ME3: variants seen among roughly 807,000 people sequenced by gnomAD.
The protein encoded by ME3 is NADP-dependent malic enzyme, mitochondrial.
A neutral mutation model predicts 68.9 loss-of-function variants in ME3; 48 were observed. The observed-to-expected ratio is 0.70, with a 90% CI of 0.55 to 0.89. ME3 has a LOEUF of 0.89. Ranked by LOEUF, ME3 falls within the 40% of genes least tolerant of loss-of-function variation. The probability of loss-of-function intolerance (pLI) is 0.00; values close to 1 mark genes in which losing one functional copy is unlikely to be tolerated. For missense variants in ME3, 675 were observed against 797.4 expected, an observed-to-expected ratio of 0.85 and a Z score of 1.85; for synonymous variants, 320 against 318.8, an observed-to-expected ratio of 1.00 and a Z score of -0.04.
intron 4 of ME3, among the ~76,000 whole-genome samples, chr11:86,541,635 C>A (rs1956054818): frequency 6.6e-6 from 1 of 152,168 alleles, no homozygotes; most frequent in Non-Finnish European, 1.5e-5. Context: ...GAAAGAAAGG[C>A]AGCAGCCCCA....
chr11:86,640,186 T>C (rs1403223652), intron 2 of ME3, among the ~76,000 whole-genome samples: 2 of 152,218 alleles, frequency 1.3e-5, no homozygotes, highest in Non-Finnish European at 2.9e-5. Context: ...AATATTTTGG[T>C]GCTTAAGCCA....
downstream of ME3, among the ~76,000 whole-genome samples, chr11:86,440,121 T>A (rs1948929595): frequency 6.6e-6 from 1 of 152,202 alleles, no homozygotes; most frequent in Non-Finnish European, 1.5e-5. Context: ...ATAGGACCTA[T>A]TCGTTGCTGG....
chr11:86,449,143 C>T (rs1270529811), intron 10 of ME3, among the ~76,000 whole-genome samples: 1 of 152,208 alleles, frequency 6.6e-6, no homozygotes, highest in Non-Finnish European at 1.5e-5. Context: ...TCCTTATGTA[C>T]TTCCTCTGTT....
At position 86,525,909 on chromosome 11, in the gene ME3, G is replaced by A. The variant is rs567128529; in HGVS notation, c.468-17042C>T. Among the ~76,000 whole-genome samples, 32 of 151,184 alleles carry A rather than the reference G, an allele frequency of 2.1e-4. No homozygotes were observed. The South Asian group carries it at 6.7e-3, about 32-fold the overall frequency. ...AGGGTGGAGCCAAGAGGGCCTAATA[G>A]GAACTGCTCCAGTCTACAGCTCCCA... On this transcript the variant is annotated intron_variant, in intron 4 of 14. Coordinates refer to ENST00000543262, the Ensembl canonical transcript of ME3.
chr11:86,517,620 C>T (rs911116417), intron 4 of ME3, among the ~76,000 whole-genome samples: 8 of 152,164 alleles, frequency 5.3e-5, no homozygotes, highest in African/African-American at 1.9e-4. Flanking sequence ...ATCTCAGCAT[C>T]CACTGTTCTT....
intron 8 of ME3, chr11:86,464,024 T>A (rs1950354996): frequency 5.0e-6 from 2 of 403,588 alleles, no homozygotes. Flanking sequence ...CGTTCAGCGA[T>A]TAACCTTAGC....
At chr11:86,526,687 G>A (rs1010630937) in intron 4 of ME3, among the ~76,000 whole-genome samples, 3 of 152,212 alleles carry the variant, frequency 2.0e-5, no homozygotes, top group Non-Finnish European at 4.4e-5. Flanking sequence ...GGAACGATCA[G>A]GCAGCAACAT....
intron 7 of ME3, among the ~76,000 whole-genome samples, chr11:86,477,435 C>T (rs1042212902): frequency 1.3e-5 from 2 of 151,880 alleles, no homozygotes. Context: ...GTATCAGTGT[C>T]TGCTTATGGT....
At chr11:86,605,215 T>C (rs1193663163) in intron 2 of ME3, among the ~76,000 whole-genome samples, 1 of 152,246 alleles carries the variant, frequency 6.6e-6, no homozygotes, top group Non-Finnish European at 1.5e-5. Flanking sequence ...TATTCTATTG[T>C]ATATACATAC....
chr11:86,589,401 G>GA (rs1554992486), intron 2 of ME3, among the ~76,000 whole-genome samples: 2,409 of 152,196 alleles, frequency 0.016, 56 homozygotes, highest in African/African-American at 0.055. Context: ...ATGAATGAAT[G>GA]ATGAATGAAT....
At chr11:86,449,955 T>C (rs1949539760) in exon 10 of ME3, 1 of 1,614,008 alleles carries the variant, frequency 6.2e-7, no homozygotes, top group Admixed American at 1.7e-5. Context: ...TCGGTACACC[T>C]TCTTTCTCTA....
At chr11:86,574,666 A>G (rs1040577133) in intron 2 of ME3, among the ~76,000 whole-genome samples, 1 of 152,162 alleles carries the variant, frequency 6.6e-6, no homozygotes, top group African/African-American at 2.4e-5. Context: ...CAGAGTTCCT[A>G]TGTGACATAT....
intron 2 of ME3, among the ~76,000 whole-genome samples, chr11:86,617,270 A>G (rs965005926): frequency 5.3e-5 from 8 of 151,860 alleles, no homozygotes; most frequent in Admixed American, 6.6e-5. Context: ...AGCACTGAGC[A>G]TTATTCCTGG....
At chr11:86,600,663 T>C (rs1387769415) in intron 2 of ME3, among the ~76,000 whole-genome samples, 90 of 151,552 alleles carry the variant, frequency 5.9e-4, no homozygotes, top group Non-Finnish European at 1.1e-3. Flanking sequence ...TTTTCAGCAC[T>C]ACACCACACC....
intron 2 of ME3, among the ~76,000 whole-genome samples, chr11:86,562,191 GCTT>G (rs1957271052): frequency 6.6e-6 from 1 of 152,016 alleles, no homozygotes; most frequent in South Asian, 2.1e-4. Flanking sequence ...TTTCAGACTG[GCTT>G]CTTTTACTTA....
At position 86,528,225 on chromosome 11, in the gene ME3, G is replaced by A. The variant is rs376697228; in HGVS notation, c.468-19358C>T. On this transcript the variant is annotated intron_variant, in intron 4 of 14. Transcript: ENST00000543262. The stretch of plus-strand genomic sequence containing the variant: ...GCAATCCTAATCTCTGATAAAACAG[G>A]CTTTAAACCAACAAAAATCAAAAGA... Among the ~76,000 whole-genome samples, 48 of 152,152 alleles carry A rather than the reference G, an allele frequency of 3.2e-4. No individual in the cohort carries two copies. The South Asian group carries it at 3.3e-3, about 11-fold the overall frequency.
intron 6 of ME3, among the ~76,000 whole-genome samples, chr11:86,492,932 G>C (rs1248504703): frequency 2.0e-5 from 3 of 152,140 alleles, no homozygotes; most frequent in African/African-American, 7.2e-5. Context: ...GGAGGTCACG[G>C]GATTGGGTTC....
At chr11:86,624,076 CCT>C (rs1594706058) in intron 2 of ME3, among the ~76,000 whole-genome samples, 1 of 152,306 alleles carries the variant, frequency 6.6e-6, no homozygotes, top group East Asian at 1.9e-4. Flanking sequence ...GGATTTTATA[CCT>C]CTTTGAGGTC....
chr11:86,630,702 C>T (rs900499000), intron 2 of ME3, among the ~76,000 whole-genome samples: 1 of 152,220 alleles, frequency 6.6e-6, no homozygotes, highest in African/African-American at 2.4e-5. Flanking sequence ...TCTCGGAATA[C>T]CAACACCCAG....
Sources: allele counts gnomAD v4.1 joint callset (sites outside exome capture counted in the v4.1 genomes callset), GRCh38; gene constraint gnomAD v4.1.1; transcripts MANE v1.5; gene names NCBI Gene and HGNC (gene_info 2026-07-23, HGNC 2026-07-21).